Variants in PTPRD observed in about 807,000 individuals in gnomAD.
The protein encoded by PTPRD is protein tyrosine phosphatase receptor type D.
In PTPRD, 34 loss-of-function variants were observed where a neutral mutation model predicts 214.5. The ratio of observed to expected loss-of-function variants is 0.16; its 90% CI spans 0.12 to 0.21. The LOEUF is 0.21. Ranked by LOEUF, PTPRD falls within the 10% of genes least tolerant of loss-of-function variation. PTPRD has a pLI of 1.00. For synonymous variants in PTPRD, 1,128 were observed against 845.7 expected, an observed-to-expected ratio of 1.33 and a Z score of -5.79; for missense variants, 2,545 against 2,398.7, an observed-to-expected ratio of 1.06 and a Z score of -1.27.
chr9:9,171,269 C>G (rs2099915358), intron 10 of PTPRD, among the ~76,000 whole-genome samples: 1 of 151,712 alleles, frequency 6.6e-6, no homozygotes, highest in East Asian at 1.9e-4. Context: ...GTTGCCAGAT[C>G]AATTCATTTT....
At chr9:8,586,730 G>A (rs777029594) in intron 14 of PTPRD, among the ~76,000 whole-genome samples, 1 of 152,094 alleles carries the variant, frequency 6.6e-6, no homozygotes, top group Non-Finnish European at 1.5e-5. Context: ...CCACACATTT[G>A]CCAACGGCAT....
intron 2 of PTPRD, among the ~76,000 whole-genome samples, chr9:10,343,754 C>T (rs539306414): frequency 0.044 from 6,662 of 151,922 alleles, 475 homozygotes; most frequent in African/African-American, 0.15. Flanking sequence ...TTTCATGTGT[C>T]TGTTGGCTGC....
chr9:10,127,143 T>C lies in PTPRD; in HGVS notation c.-544-93353A>G, dbSNP rs547208275. 6.6e-5 allele frequency among the ~76,000 whole-genome samples: 10 copies of C among 152,082 alleles called. No homozygotes were observed. In the East Asian group the frequency reaches 1.6e-3, roughly 24 times the overall value. On this transcript the variant is annotated intron_variant, in intron 3 of 45. Transcript: ENST00000381196. ...GTGCTGCTGTAATAAATATCATACA[T>C]GAGGACAACTATATCCTGAGCCCCA...
intron 21 of PTPRD, among the ~76,000 whole-genome samples, chr9:8,509,871 T>C (rs1258906086): frequency 2.6e-5 from 4 of 152,164 alleles, no homozygotes; most frequent in African/African-American, 9.7e-5. Flanking sequence ...AAGCTAAAGG[T>C]TGGCTAGACG....
At chr9:8,325,864 G>A (rs4008216) in intron 44 of PTPRD, among the ~76,000 whole-genome samples, 18,155 of 151,844 alleles carry the variant, frequency 0.12, 1,340 homozygotes, top group African/African-American at 0.21. Context: ...GAGTTCACTC[G>A]TGATTTGGCT....
chr9:9,354,971 A>T (rs2053170041), intron 9 of PTPRD, among the ~76,000 whole-genome samples: 2 of 151,836 alleles, frequency 1.3e-5, no homozygotes, highest in South Asian at 4.1e-4. Context: ...TGGACAAAAA[A>T]GAAAATAAAG....
rs76029252 is a variant in PTPRD at position 9,004,010 on chromosome 9, C to T, written c.-104+14687G>A. Reference sequence around the variant, plus strand: ...TCATCTCACTATAAATCATTTGCTGCATTGCAAAGACCAATACTGAGTATT... The same window carrying T: ...TCATCTCACTATAAATCATTTGCTGTATTGCAAAGACCAATACTGAGTATT... On this transcript the variant is annotated intron_variant, in intron 11 of 45. Coordinates refer to ENST00000381196, the MANE Select transcript of PTPRD (RefSeq NM_002839.4). Among the ~76,000 whole-genome samples the T allele has an allele frequency of 3.9e-4, 59 of 152,144 alleles. No individual in the cohort carries two copies. The East Asian group carries it at 0.011, about 27-fold the overall frequency.
chr9:8,323,027 G>A (rs969180456), intron 44 of PTPRD, among the ~76,000 whole-genome samples: 1 of 152,134 alleles, frequency 6.6e-6, no homozygotes, highest in African/African-American at 2.4e-5. Flanking sequence ...GTTTTAGTAA[G>A]GAAGGCACGT....
intron 3 of PTPRD, among the ~76,000 whole-genome samples, chr9:10,096,578 A>T (rs536605241): frequency 1.6e-3 from 248 of 151,814 alleles, no homozygotes; most frequent in African/African-American, 5.7e-3. Flanking sequence ...CCACTTTTTG[A>T]TGGGGTTTTT....
chr9:10,286,319 G>A (rs2095351888), intron 3 of PTPRD, among the ~76,000 whole-genome samples: 2 of 152,110 alleles, frequency 1.3e-5, no homozygotes, highest in Non-Finnish European at 2.9e-5. Context: ...ATATGTGCCT[G>A]CAGCGACAGT....
At chr9:10,557,211 T>C (rs189618328) in intron 2 of PTPRD, among the ~76,000 whole-genome samples, 8 of 152,268 alleles carry the variant, frequency 5.3e-5, no homozygotes, top group Admixed American at 3.9e-4. Flanking sequence ...TTCATAGATA[T>C]TGTAAAGTCA....
chr9:10,568,329 G>C (rs1029528353), intron 2 of PTPRD, among the ~76,000 whole-genome samples: 12 of 152,114 alleles, frequency 7.9e-5, no homozygotes, highest in African/African-American at 2.7e-4. Flanking sequence ...GTATTCCATG[G>C]TGTATATGTG....
intron 9 of PTPRD, among the ~76,000 whole-genome samples, chr9:9,243,590 A>C (rs890720258): frequency 3.9e-5 from 6 of 152,042 alleles, no homozygotes; most frequent in Non-Finnish European, 8.8e-5. Context: ...AAATTCAACA[A>C]TCTTCATGCT....
Position 8,449,789 on chromosome 9 carries a change from C to G in PTPRD, c.3924G>C (p.Lys1308Asn). 1.2e-6 allele frequency: 2 copies of G among 1,614,072 alleles called. No individual in the cohort carries two copies. Among genetic ancestry groups the G allele is most frequent in the Non-Finnish European group, 1.7e-6 (2 of 1,179,966 alleles). Residue 1308 changes from lysine (K) to asparagine (N), a missense_variant, in exon 34 of 46, where the codon AAG (lysine) becomes AAC (asparagine). Transcript: ENST00000381196. ...DSRKSSIPNN[K>N]EIPSHHPTDP... ...CTGTTGGGTGGTGTGAAGGGATCTCCTTATTGTTCGGTATGCTGCTTTTTC... is the reference window on the plus strand; with the variant it reads ...CTGTTGGGTGGTGTGAAGGGATCTCGTTATTGTTCGGTATGCTGCTTTTTC...
chr9:10,592,684 C>G (rs1242379477), intron 2 of PTPRD, among the ~76,000 whole-genome samples: 1 of 151,898 alleles, frequency 6.6e-6, no homozygotes, highest in East Asian at 1.9e-4. Flanking sequence ...GTAAAATGCA[C>G]AAATCAGAGC....
chr9:8,997,857 A>G (rs1478104813), intron 11 of PTPRD, among the ~76,000 whole-genome samples: 1 of 152,146 alleles, frequency 6.6e-6, no homozygotes, highest in Non-Finnish European at 1.5e-5. Context: ...AAATGATAAG[A>G]AAGTGAAACA....
In PTPRD at chr9:9,100,471, C is replaced by T. The variant is rs1049588580; in HGVS notation, c.-142-81736G>A. On this transcript the variant is annotated intron_variant, in intron 10 of 45. Coordinates refer to ENST00000381196, the MANE Select transcript of PTPRD (RefSeq NM_002839.4). Reference sequence around the variant, plus strand: ...TTTATTTTGGGGAACACCACCCCCACATTTCTTCTTCTATGATGGAACAGG... The same window carrying T: ...TTTATTTTGGGGAACACCACCCCCATATTTCTTCTTCTATGATGGAACAGG... 6.6e-5 allele frequency among the ~76,000 whole-genome samples: 10 copies of T among 152,268 alleles called. 1 individual carries two copies. The highest frequency in any genetic ancestry group is 4.6e-4 in the Admixed American group (7 of 15,286).
chr9:10,406,179 A>T (rs2098354854), intron 2 of PTPRD, among the ~76,000 whole-genome samples: 1 of 151,474 alleles, frequency 6.6e-6, no homozygotes, highest in South Asian at 2.1e-4. Flanking sequence ...ATTGAATAAA[A>T]GCAGAAATAA....
Position 8,440,448 on chromosome 9 carries a change from G to A in PTPRD, c.3989-3759C>T, listed in dbSNP as rs535527084. Among the ~76,000 whole-genome samples, 16 of 151,952 alleles carry A rather than the reference G, an allele frequency of 1.1e-4. No individual in the cohort carries two copies. In the South Asian group the frequency reaches 2.5e-3, roughly 24 times the overall value. On this transcript the variant is annotated intron_variant, in intron 34 of 45. Transcript: ENST00000381196. ...CCCCTGCCTCAGCCTCCTGAGCAGC[G>A]GGATTACAGGGACGCGCCACCACAC...
Sources: allele counts gnomAD v4.1 joint callset (sites outside exome capture counted in the v4.1 genomes callset), GRCh38; gene constraint gnomAD v4.1.1; transcripts MANE v1.5; gene names NCBI Gene and HGNC (gene_info 2026-07-23, HGNC 2026-07-21).